Variants in SLC6A16 observed in about 807,000 individuals in gnomAD.
The protein encoded by SLC6A16 is orphan sodium- and chloride-dependent neurotransmitter transporter NTT5.
Under a neutral mutation model 65.4 loss-of-function variants are expected in SLC6A16, and 54 were observed. The observed-to-expected ratio is 0.83, with a 90% CI of 0.66 to 1.04. The LOEUF (loss-of-function observed/expected upper bound fraction) is 1.04. Ranked by LOEUF, SLC6A16 falls within the 50% of genes least tolerant of loss-of-function variation. The pLI is 0.00. For missense variants in SLC6A16, 816 were observed against 914.0 expected (o/e 0.89, Z 1.38); for synonymous variants, 330 against 346.5 (o/e 0.95, Z 0.53).
intron 1 of SLC6A16, among the ~76,000 whole-genome samples, chr19:49,320,648 A>C (rs1202965609): frequency 1.3e-5 from 2 of 152,198 alleles, no homozygotes; most frequent in Non-Finnish European, 2.9e-5. Context: ...GAGAAGACTC[A>C]AATGATTAAA....
At chr19:49,290,559 C>G in intron 11 of SLC6A16, 46 bp downstream of exon 11, 1 of 1,603,772 alleles carries the variant, frequency 6.2e-7, no homozygotes, top group East Asian at 2.2e-5. Flanking sequence ...ATTGAAAGGT[C>G]TGGCCCCTAC....
At chr19:49,309,244 A>G (rs1970458343) in intron 6 of SLC6A16, 57 bp downstream of exon 6, 2 of 1,569,380 alleles carry the variant, frequency 1.3e-6, no homozygotes, top group South Asian at 2.2e-5. Context: ...AGCTCTAAGA[A>G]TAGGCAGCTG....
intron 1 of SLC6A16, among the ~76,000 whole-genome samples, chr19:49,320,952 A>G (rs1302111740): frequency 1.3e-5 from 2 of 152,208 alleles, no homozygotes; most frequent in African/African-American, 2.4e-5. Flanking sequence ...ATTAATATCA[A>G]TCCTTCTCAA....
rs5828385 is a variant in SLC6A16 at position 49,313,072 on chromosome 19, C to CAAAAAAAAAAAAAAAAAAAAAAA, written c.-64-1684_-64-1662dup. On this transcript the variant is annotated intron_variant, in intron 1 of 11. Coordinates refer to ENST00000335875, the MANE Select transcript of SLC6A16 (RefSeq NM_014037.3). Reference sequence around the variant, plus strand: ...CACTCCAGCCTGGGCAACCCTGTCTCAAAAAAAAAAAAAAAAAAAAAAAGA... The same window carrying CAAAAAAAAAAAAAAAAAAAAAAA: ...CACTCCAGCCTGGGCAACCCTGTCTCAAAAAAAAAAAAAAAAAAAAAAAAAAAAAAAAAAAAAAAAAAAAAAGA... 2.8e-4 allele frequency among the ~76,000 whole-genome samples: 27 copies of CAAAAAAAAAAAAAAAAAAAAAAA among 95,770 alleles called. 1 individual carries two copies. The highest frequency in any genetic ancestry group is 1.3e-3 in the African/African-American group (24 of 18,972). 62.8% of individuals were successfully genotyped at this position (95,770 alleles called of 152,430 possible). A position where few individuals can be genotyped will look rare whatever the true frequency, so the allele number is the denominator to read the frequency against.
chr19:49,318,192 A>C (rs1176279529), intron 1 of SLC6A16, among the ~76,000 whole-genome samples: 1 of 152,236 alleles, frequency 6.6e-6, no homozygotes. Flanking sequence ...TTCCAAGGAA[A>C]GAAAAGTACT....
chr19:49,307,286 A>G (rs995120310), intron 7 of SLC6A16, among the ~76,000 whole-genome samples: 7 of 151,972 alleles, frequency 4.6e-5, no homozygotes, highest in African/African-American at 1.7e-4. Context: ...AAACAATTTA[A>G]AAGTCCAACC....
chr19:49,296,597 A>T (rs1289840670), intron 7 of SLC6A16, among the ~76,000 whole-genome samples: 2 of 152,222 alleles, frequency 1.3e-5, no homozygotes, highest in East Asian at 3.8e-4. Flanking sequence ...ATAGAAAAAA[A>T]TTTAATTTTG....
At chr19:49,294,111 C>A in intron 8 of SLC6A16, 83 bp from the exon 9 acceptor site, 3 of 1,214,122 alleles carry the variant, frequency 2.5e-6, no homozygotes, top group Non-Finnish European at 3.5e-6. Context: ...ATTCTATCTT[C>A]CCTGGAAAAC....
At chr19:49,307,724 C>CAAAAAAAAAAA (rs74182049) in intron 7 of SLC6A16, among the ~76,000 whole-genome samples, 5 of 76,708 alleles carry the variant, frequency 6.5e-5, no homozygotes, top group Admixed American at 1.7e-4. Context: ...GAGGAGGAAG[C>CAAAAAAAAAAA]AAAAAAAAAG....
intron 9 of SLC6A16, 67 bp from the exon 10 acceptor site, chr19:49,293,449 G>C: frequency 6.6e-7 from 1 of 1,510,968 alleles, no homozygotes; most frequent in South Asian, 1.1e-5. Flanking sequence ...CTAAGTAGAG[G>C]CCATAGACCA....
At chr19:49,305,536 G>A (rs1212774602) in intron 7 of SLC6A16, among the ~76,000 whole-genome samples, 1 of 150,128 alleles carries the variant, frequency 6.7e-6, no homozygotes, top group Non-Finnish European at 1.5e-5. Flanking sequence ...AGGTTGCAGT[G>A]AGCCGAGATT....
chr19:49,335,930 A>T, the SLC6A16 span: 12 of 695,072 alleles, frequency 1.7e-5, no homozygotes, highest in South Asian at 2.0e-4. The surrounding 1 kb of genome is among the most constrained non-coding windows in gnomAD (Gnocchi z 4.6). Context: ...GGCTTCTTGG[A>T]GCCTGAGTCT....
the SLC6A16 span, chr19:49,339,219 AG>A: frequency 1.1e-6 from 1 of 946,470 alleles, no homozygotes; most frequent in Non-Finnish European, 1.7e-6. The surrounding 1 kb of genome is among the most constrained non-coding windows in gnomAD (Gnocchi z 4.5). Flanking sequence ...CCTGGTGACT[AG>A]GGGAGCGGGT....
At chr19:49,333,927 G>A in the SLC6A16 span, among the ~76,000 whole-genome samples, 1 of 152,226 alleles carries the variant, frequency 6.6e-6, no homozygotes, top group Admixed American at 6.5e-5. Context: ...AGGATCCCAG[G>A]CTCAGTGCCT....
At chr19:49,334,666 G>GT in the SLC6A16 span, among the ~76,000 whole-genome samples, 7 of 151,388 alleles carry the variant, frequency 4.6e-5, no homozygotes, top group South Asian at 2.1e-4. Context: ...CCCTATCTCT[G>GT]TTTTTTTTTA....
the SLC6A16 span, chr19:49,337,915 G>A: frequency 6.2e-7 from 1 of 1,613,968 alleles, no homozygotes; most frequent in Non-Finnish European, 8.5e-7. Context: ...CCTCACTGGT[G>A]GCCTCTCAGC....
At position 49,294,541 on chromosome 19, in the gene SLC6A16, T is replaced by C. The variant is rs1970148335; in HGVS notation, c.1242A>G (p.Ile414Met). 3.7e-6 allele frequency: 6 copies of C among 1,607,264 alleles called. No individual in the cohort carries two copies. The highest frequency in any genetic ancestry group is 5.1e-6 in the Non-Finnish European group (6 of 1,176,840). ...THRCCERNAE[I>M]LLKLINLGKL... Reference sequence around the variant, plus strand: ...TCCCTAGGTTTATCAGCTTTAAAAGTATTTCAGCATTCCTGGGGATAGAGG... The same window carrying C: ...TCCCTAGGTTTATCAGCTTTAAAAGCATTTCAGCATTCCTGGGGATAGAGG... Residue 414 changes from isoleucine to methionine, a missense_variant, in exon 8 of 12, where the codon ATA (isoleucine) becomes ATG (methionine). By Grantham distance (10) the Ile-to-Met change is conservative. Transcript: ENST00000335875.
Position 49,295,250 on chromosome 19 carries a change from C to T in SLC6A16, c.1230-697G>A, listed in dbSNP as rs552575080. Among the ~76,000 whole-genome samples, 153 of 152,074 alleles carry T rather than the reference C, an allele frequency of 1.0e-3. 1 individual carries two copies. Among genetic ancestry groups the T allele is most frequent in the African/African-American group, 3.4e-3 (139 of 41,486 alleles). ...CAAAAATCAGCTGGGCATGGTGGCA[C>T]GTGCCTGTAGTCCCAGCTATTCGGG... On this transcript the variant is annotated intron_variant, in intron 7 of 11. Transcript: ENST00000335875.
At chr19:49,327,299 G>A (rs1473591139), upstream of SLC6A16, among the ~76,000 whole-genome samples, 1 of 152,130 alleles carries the variant, frequency 6.6e-6, no homozygotes. Flanking sequence ...TGTTGGCCAG[G>A]CTGGTCTTGA....
Sources: gnomAD v4.1 joint callset for allele counts (sites outside exome capture counted in the v4.1 genomes callset) on GRCh38, gnomAD v4.1.1 for gene constraint, Gnocchi (gnomAD v3.1) non-coding constraint, MANE v1.5 for transcripts, NCBI Gene and HGNC (gene_info 2026-07-23, HGNC 2026-07-21) for gene names.